Variants in SPAG16 observed in about 807,000 individuals in gnomAD.
SPAG16 encodes the protein sperm associated antigen 16.
Under a neutral mutation model 80.4 loss-of-function variants are expected in SPAG16, and 86 were observed. That is an observed-to-expected ratio of 1.07 (90% confidence interval 0.90 to 1.28). The LOEUF is 1.28. Ranked by LOEUF, SPAG16 falls within the 50% of genes most tolerant of loss-of-function variation. The probability of loss-of-function intolerance (pLI) is 0.00; values close to 1 mark genes in which losing one functional copy is unlikely to be tolerated. For missense variants in SPAG16, 870 were observed against 765.3 expected, an observed-to-expected ratio of 1.14 and a Z score of -1.61; for synonymous variants, 294 against 265.9, an observed-to-expected ratio of 1.11 and a Z score of -1.03.
intron 14 of SPAG16, among the ~76,000 whole-genome samples, chr2:214,134,173 T>C (rs2054926224): frequency 6.6e-6 from 1 of 152,198 alleles, no homozygotes; most frequent in Non-Finnish European, 1.5e-5. Context: ...ATTCAACACA[T>C]AGCACCTGTT....
intron 15 of SPAG16, among the ~76,000 whole-genome samples, chr2:214,386,113 G>A (rs950444281): frequency 4.6e-5 from 7 of 151,880 alleles, no homozygotes; most frequent in Non-Finnish European, 7.4e-5. Context: ...GGTGGCTCAT[G>A]CCTGCAATCC....
rs113282157 is a variant in SPAG16 at position 213,527,142 on chromosome 2, A to T, written c.1070+37052A>T. Reference sequence around the variant, plus strand: ...AATCTTTTGCCTCCTGCCAAGGAGGATGTGTAGTTTAGGGAAGGAGATTGG... The same window carrying T: ...AATCTTTTGCCTCCTGCCAAGGAGGTTGTGTAGTTTAGGGAAGGAGATTGG... On this transcript the variant is annotated intron_variant, in intron 10 of 15. Coordinates refer to ENST00000331683, the MANE Select transcript of SPAG16 (RefSeq NM_024532.5). Among the ~76,000 whole-genome samples, 121 of 152,236 alleles carry T rather than the reference A, an allele frequency of 7.9e-4. 2 individuals carry two copies. The highest frequency in any genetic ancestry group is 3.4e-3 in the Middle Eastern group (1 of 294).
At chr2:214,332,540 T>A (rs1696995655) in intron 15 of SPAG16, among the ~76,000 whole-genome samples, 3 of 152,190 alleles carry the variant, frequency 2.0e-5, no homozygotes, top group Admixed American at 6.5e-5. Context: ...AGTGGTTCCA[T>A]ATCCATTACA....
chr2:213,538,782 A>G (rs2076333228), intron 10 of SPAG16, among the ~76,000 whole-genome samples: 1 of 152,012 alleles, frequency 6.6e-6, no homozygotes, highest in Admixed American at 6.6e-5. Flanking sequence ...ATTATTTTGT[A>G]TTAACCAAAA....
chr2:213,410,520 G>A (rs2068908539), intron 9 of SPAG16, among the ~76,000 whole-genome samples: 1 of 152,118 alleles, frequency 6.6e-6, no homozygotes, highest in Admixed American at 6.5e-5. Flanking sequence ...AACGTTCTGT[G>A]GCCCACTGAA....
chr2:213,941,335 C>G (rs1487211619), intron 12 of SPAG16, among the ~76,000 whole-genome samples: 1 of 152,138 alleles, frequency 6.6e-6, no homozygotes, highest in Non-Finnish European at 1.5e-5. Context: ...TAATCCTTCT[C>G]TGGAGATTTA....
chr2:214,285,242 T>A (rs993154194), intron 15 of SPAG16, among the ~76,000 whole-genome samples: 2 of 152,198 alleles, frequency 1.3e-5, no homozygotes, highest in African/African-American at 4.8e-5. Flanking sequence ...CACCTTTTCA[T>A]CTACCTGTTG....
intron 10 of SPAG16, among the ~76,000 whole-genome samples, chr2:213,645,192 G>A (rs1415651230): frequency 6.6e-6 from 1 of 152,162 alleles, no homozygotes; most frequent in East Asian, 1.9e-4. Flanking sequence ...AAGGCCCAAG[G>A]GCTCTTAAGG....
At chr2:214,069,825 TACCTTTCTA>T (rs2050704463) in intron 13 of SPAG16, among the ~76,000 whole-genome samples, 1 of 152,062 alleles carries the variant, frequency 6.6e-6, no homozygotes, top group Admixed American at 6.6e-5. Context: ...AGAATGTAGG[TACCTTTCTA>T]ATGTCCAATA....
intron 15 of SPAG16, among the ~76,000 whole-genome samples, chr2:214,294,038 G>A (rs1306519309): frequency 1.3e-5 from 2 of 152,232 alleles, no homozygotes; most frequent in Non-Finnish European, 2.9e-5. Flanking sequence ...TGTAGCAGTA[G>A]CACCATCAGC....
rs117927756 is a variant in SPAG16, at chr2:213,866,190, A to G, written c.1214+3562A>G. On this transcript the variant is annotated intron_variant, in intron 11 of 15. Transcript: ENST00000331683. ...CAGGTAATTTTTAGTTTCATTACCT[A>G]GCCCAAGGACAGAAAAAATAAAAGG... is the stretch of plus-strand genomic sequence containing the variant. 5.5e-3 allele frequency among the ~76,000 whole-genome samples: 830 copies of G among 152,042 alleles called. 14 individuals are homozygous for G. The highest frequency in any genetic ancestry group is 0.042 in the East Asian group (218 of 5,184).
At chr2:213,533,843 A>T (rs2076153815) in intron 10 of SPAG16, among the ~76,000 whole-genome samples, 1 of 152,166 alleles carries the variant, frequency 6.6e-6, no homozygotes, top group Non-Finnish European at 1.5e-5. Flanking sequence ...ATAAACATGC[A>T]TGATATTAAC....
intron 10 of SPAG16, among the ~76,000 whole-genome samples, chr2:213,698,407 G>A (rs1213336700): frequency 1.3e-5 from 2 of 152,020 alleles, no homozygotes. Flanking sequence ...GACTATAGGT[G>A]CATGCTACCA....
chr2:213,694,151 G>A (rs549348218), intron 10 of SPAG16, among the ~76,000 whole-genome samples: 1 of 152,228 alleles, frequency 6.6e-6, no homozygotes, highest in East Asian at 1.9e-4. Flanking sequence ...AGATCTGTAA[G>A]AATAAACTAA....
rs540211250 is a variant in SPAG16, at chr2:213,961,916, C to A, written c.1400+31771C>A. ...CTCATAGAATGAGTTGGGAAGTATT[C>A]CTTCCTCTTGTATTTTTTGGAAAGT... On this transcript the variant is annotated intron_variant, in intron 12 of 15. Transcript: ENST00000331683. Among the ~76,000 whole-genome samples the A allele has an allele frequency of 4.6e-5, 7 of 151,882 alleles. No homozygotes were observed. In the East Asian group the frequency reaches 1.2e-3, roughly 25 times the overall value.
chr2:214,288,007 T>C (rs971943080), intron 15 of SPAG16, among the ~76,000 whole-genome samples: 1 of 152,180 alleles, frequency 6.6e-6, no homozygotes, highest in Non-Finnish European at 1.5e-5. Context: ...CTTTTGAATA[T>C]TGGGGATTAT....
intron 10 of SPAG16, among the ~76,000 whole-genome samples, chr2:213,844,990 A>G (rs2074541580): frequency 6.6e-6 from 1 of 152,306 alleles, no homozygotes; most frequent in Admixed American, 6.5e-5. Context: ...TTCACAATGC[A>G]TATGTAACAT....
intron 10 of SPAG16, among the ~76,000 whole-genome samples, chr2:213,687,373 T>C (rs1254000178): frequency 6.6e-6 from 1 of 152,222 alleles, no homozygotes; most frequent in East Asian, 1.9e-4. Context: ...TCTTCATTTC[T>C]TTGAGGGAAT....
intron 11 of SPAG16, among the ~76,000 whole-genome samples, chr2:213,915,929 G>A (rs2077940709): frequency 6.6e-6 from 1 of 152,270 alleles, no homozygotes; most frequent in Non-Finnish European, 1.5e-5. Flanking sequence ...TTTGAGAAAT[G>A]TCTGTTCATA....
Sources: allele counts gnomAD v4.1 joint callset (sites outside exome capture counted in the v4.1 genomes callset), GRCh38; gene constraint gnomAD v4.1.1; transcripts MANE v1.5; gene names NCBI Gene and HGNC (gene_info 2026-07-23, HGNC 2026-07-21).